The following ZFP82 variants were observed in gnomAD, a reference collection of about 807,000 sequenced individuals.
ZFP82 encodes the protein zinc finger protein 82 homolog.
ZFP82 carries 30 observed loss-of-function variants against 54.0 expected under a neutral mutation model. The observed-to-expected ratio is 0.56, with a 90% CI of 0.42 to 0.75. ZFP82 has a LOEUF of 0.75. ZFP82 is among the 30% of genes least tolerant of loss of function. The probability of loss-of-function intolerance (pLI) is 0.00; values close to 1 mark genes in which losing one functional copy is unlikely to be tolerated. For synonymous variants in ZFP82, 194 were observed against 209.5 expected (o/e 0.93, Z 0.64); for missense variants, 500 against 636.8 (o/e 0.79, Z 2.31).
downstream of ZFP82, among the ~76,000 whole-genome samples, chr19:36,386,588 C>G (rs1327944219): frequency 6.6e-6 from 1 of 152,216 alleles, no homozygotes; most frequent in East Asian, 1.9e-4. Context: ...AGCCCCCACC[C>G]CAGTGTGTCC....
chr19:36,398,690 ATTTG>A (rs1454198105), intron 4 of ZFP82, among the ~76,000 whole-genome samples: 1 of 152,106 alleles, frequency 6.6e-6, no homozygotes, highest in Non-Finnish European at 1.5e-5. Flanking sequence ...CTGTTCCTGA[ATTTG>A]TTTTCCCAAG....
At chr19:36,415,507 C>T (rs367807712) in intron 1 of ZFP82, among the ~76,000 whole-genome samples, 9 of 152,194 alleles carry the variant, frequency 5.9e-5, no homozygotes, top group African/African-American at 2.2e-4. Context: ...TCTGCCTCAG[C>T]CTCCCAAATA....
chr19:36,393,354 T>C lies in ZFP82; in HGVS notation c.986A>G (p.His329Arg), dbSNP rs758442447. The change falls in exon 5 of 5, where the codon CAC becomes CGC. Residue 329 changes from histidine (H) to arginine (R), a missense_variant. Transcript: ENST00000392161. Reference sequence around the variant, plus strand: ...GGGTTTCTCACCAGTATGAAGTTTGTGATGTACTCTAAGACCAGAGCCACA... The same window carrying C: ...GGGTTTCTCACCAGTATGAAGTTTGCGATGTACTCTAAGACCAGAGCCACA... Reference protein sequence around the residue: ...FLCGSGLRVHHKLHTGEKPYE... With the variant: ...FLCGSGLRVHRKLHTGEKPYE... 4 of 1,613,980 alleles carry C rather than the reference T, an allele frequency of 2.5e-6. No individual in the cohort carries two copies. The highest frequency in any genetic ancestry group is 1.3e-5 in the African/African-American group (1 of 74,882).
intron 1 of ZFP82, among the ~76,000 whole-genome samples, chr19:36,411,085 G>A (rs566061171): frequency 6.8e-6 from 1 of 147,528 alleles, no homozygotes; most frequent in East Asian, 2.0e-4. Context: ...CCCAGTTACT[G>A]GGGAGGCTGA....
chr19:36,413,861 A>G (rs2032620433), intron 1 of ZFP82, among the ~76,000 whole-genome samples: 1 of 151,890 alleles, frequency 6.6e-6, no homozygotes, highest in African/African-American at 2.4e-5. Flanking sequence ...AAAACATCAC[A>G]TACCCCTCAT....
chr19:36,417,675 G>A (rs2032696201), intron 1 of ZFP82, among the ~76,000 whole-genome samples: 1 of 152,146 alleles, frequency 6.6e-6, no homozygotes, highest in South Asian at 2.1e-4. Flanking sequence ...TAACATAAGA[G>A]AGATGGTGTT....
chr19:36,384,628 G>A (rs186698837), downstream of ZFP82, among the ~76,000 whole-genome samples: 154 of 152,260 alleles, frequency 1.0e-3, 1 homozygote, highest in African/African-American at 3.5e-3. Context: ...TTTCCTTCAA[G>A]TAGGATTAAG....
chr19:36,408,482 A>G (rs2032522528), intron 2 of ZFP82, among the ~76,000 whole-genome samples: 1 of 152,132 alleles, frequency 6.6e-6, no homozygotes, highest in Non-Finnish European at 1.5e-5. Context: ...TTATCCTAGA[A>G]GCAGATCATA....
At chr19:36,407,693 G>T (rs901630071) in intron 3 of ZFP82, among the ~76,000 whole-genome samples, 194 bp downstream of exon 3, 15 of 152,196 alleles carry the variant, frequency 9.9e-5, no homozygotes, top group Non-Finnish European at 1.9e-4. Flanking sequence ...AGGCCCAAGG[G>T]CTACTTAAGG....
intron 4 of ZFP82, among the ~76,000 whole-genome samples, 166 bp downstream of exon 4, chr19:36,405,414 C>T (rs577472744): frequency 6.6e-6 from 1 of 151,696 alleles, no homozygotes; most frequent in African/African-American, 2.4e-5. Flanking sequence ...TGTCACAGAC[C>T]TTTCCTCCTT....
chr19:36,408,853 C>A (rs1021907304), intron 2 of ZFP82, among the ~76,000 whole-genome samples: 1 of 152,076 alleles, frequency 6.6e-6, no homozygotes, highest in Non-Finnish European at 1.5e-5. Flanking sequence ...ATATAATAGT[C>A]TATACAATGC....
At chr19:36,394,247 A>G in intron 4 of ZFP82, 137 bp from the exon 5 acceptor site, 1 of 823,578 alleles carries the variant, frequency 1.2e-6, no homozygotes, top group African/African-American at 1.7e-5. Flanking sequence ...TTGGAAAGAA[A>G]AAAAAAGCCA....
chr19:36,405,320 CAAT>C (rs1341981004), intron 4 of ZFP82, among the ~76,000 whole-genome samples: 3 of 151,804 alleles, frequency 2.0e-5, no homozygotes, highest in Admixed American at 6.6e-5. Context: ...CTAGAGAGAA[CAAT>C]AATAAAAAAG....
chr19:36,416,653 G>T (rs2032674607), intron 1 of ZFP82, among the ~76,000 whole-genome samples: 1 of 151,804 alleles, frequency 6.6e-6, no homozygotes, highest in African/African-American at 2.4e-5. Context: ...CTACTAGGGT[G>T]GCTGAGGCAG....
chr19:36,391,837 A>G lies in ZFP82; in HGVS notation c.*904T>C, dbSNP rs1219355158. The G allele has an allele frequency of 1.3e-5, 2 of 152,186 alleles. No individual in the cohort carries two copies. The highest frequency in any genetic ancestry group is 4.8e-5 in the African/African-American group (2 of 41,454). 9.4% of individuals were successfully genotyped at this position (152,186 alleles called of 1,614,324 possible). ...CTTTCAATATTTTAACGAGAATAAGATATCTCAAGTTCAATGAAGATTAAA... is the reference window on the plus strand; with the variant it reads ...CTTTCAATATTTTAACGAGAATAAGGTATCTCAAGTTCAATGAAGATTAAA... On this transcript the variant is annotated 3_prime_UTR_variant, in exon 5 of 5. Transcript: ENST00000392161.
chr19:36,416,047 T>C (rs1448754183), intron 1 of ZFP82, among the ~76,000 whole-genome samples: 1 of 152,238 alleles, frequency 6.6e-6, no homozygotes, highest in East Asian at 1.9e-4. Flanking sequence ...GTTTTATAAA[T>C]CTCTAGCTTA....
intron 3 of ZFP82, 108 bp from the exon 4 acceptor site, chr19:36,405,780 A>T (rs1188552523): frequency 1.3e-5 from 8 of 623,438 alleles, no homozygotes; most frequent in African/African-American, 3.7e-5. Context: ...TTAATAAGGC[A>T]AAACAAATAA....
At chr19:36,418,220 G>A (rs891197698) in intron 1 of ZFP82, among the ~76,000 whole-genome samples, 1 of 151,988 alleles carries the variant, frequency 6.6e-6, no homozygotes, top group Non-Finnish European at 1.5e-5. Flanking sequence ...GTCCGGCCTA[G>A]TCTGCGCGTT....
At chr19:36,397,601 C>G (rs2032318058) in intron 4 of ZFP82, among the ~76,000 whole-genome samples, 1 of 151,998 alleles carries the variant, frequency 6.6e-6, no homozygotes, top group South Asian at 2.1e-4. Context: ...CACTCTGTCA[C>G]CCAGGCTAGA....
Sources: allele counts gnomAD v4.1 joint callset (sites outside exome capture counted in the v4.1 genomes callset), GRCh38; gene constraint gnomAD v4.1.1; transcripts MANE v1.5; gene names NCBI Gene and HGNC (gene_info 2026-07-23, HGNC 2026-07-21).